The following HYOU1 variants were observed in gnomAD, a reference collection of about 807,000 sequenced individuals.
HYOU1 encodes hypoxia up-regulated protein 1.
HYOU1 carries 40 observed loss-of-function variants against 120.5 expected under a neutral mutation model. The ratio of observed to expected loss-of-function variants is 0.33; its 90% CI spans 0.26 to 0.43. The LOEUF is 0.43. Ranked by LOEUF, HYOU1 falls within the 20% of genes least tolerant of loss-of-function variation. The pLI is 1.00. For synonymous variants in HYOU1, 501 were observed against 479.4 expected (o/e 1.05, Z -0.59); for missense variants, 1,085 against 1,278.3 (o/e 0.85, Z 2.31).
chr11:119,052,992 C>A lies in HYOU1; in HGVS notation c.795-163G>T. On this transcript the variant is annotated intron_variant, in intron 8 of 25. Coordinates refer to ENST00000617285, the MANE Select transcript of HYOU1 (RefSeq NM_006389.5). The surrounding 1 kb of genome is among the most constrained non-coding windows in gnomAD (Gnocchi z 5.0). ...CACACACTCTGCCCTCAACTCTCTA[C>A]AGCACAGCTGACACCTCGCAGTGAC... 1.6e-6 allele frequency: 1 copy of A among 633,902 alleles called. No homozygotes were observed. The highest frequency in any genetic ancestry group is 3.1e-5 in the Admixed American group (1 of 32,042). The allele number at this position is 633,902 out of a possible 1,614,324, so 39.3% of individuals were successfully genotyped here.
intron 8 of HYOU1, 182 bp downstream of exon 8, chr11:119,053,939 G>A: frequency 1.9e-6 from 1 of 536,432 alleles, no homozygotes. Context: ...TTCCCAAACT[G>A]TCCTCCCCTG....
At position 119,051,193 on chromosome 11, in the gene HYOU1, G is replaced by C. The variant is rs200889203; in HGVS notation, c.1527-20C>G. 66 of 1,614,116 alleles carry C rather than the reference G, an allele frequency of 4.1e-5. No individual in the cohort carries two copies. In the Middle Eastern group the frequency reaches 1.2e-3, roughly 28 times the overall value. On this transcript the variant is annotated intron_variant, in intron 13 of 25. Transcript: ENST00000617285. The surrounding 1 kb of genome is among the most constrained non-coding windows in gnomAD (Gnocchi z 4.2). ...AATACCCTGGTTGGGAAGGAAAGAG[G>C]AGTTCAGGGGGACCCACCCCAGCCC... is the stretch of plus-strand genomic sequence containing the variant.
chr11:119,054,707 G>A, intron 6 of HYOU1, 32 bp from the exon 7 acceptor site: 1 of 1,596,356 alleles, frequency 6.3e-7, no homozygotes, highest in South Asian at 1.1e-5. Flanking sequence ...GGTCCCGCCG[G>A]CTCCATACCT....
intron 24 of HYOU1, 80 bp from the exon 25 acceptor site, chr11:119,045,911 G>C (rs1944039238): frequency 7.3e-7 from 1 of 1,360,808 alleles, no homozygotes; most frequent in African/African-American, 1.5e-5. Flanking sequence ...TTTCCATGAA[G>C]AGCCAGCTAG....
chr11:119,056,548 A>C (rs1592161171), intron 1 of HYOU1: 1 of 363,552 alleles, frequency 2.8e-6, no homozygotes, highest in Non-Finnish European at 5.4e-6. Context: ...GGGCTCAACC[A>C]CCTCCCCACA....
In HYOU1 at chr11:119,046,787, T is replaced by C; in HGVS notation, c.2611A>G (p.Thr871Ala). ...INETWAWKNA[T>A]LAEQAKLPAT... ...GGCAGCTTAGCCTGCTCGGCCAGAG[T>C]TGCATTCTTCCAGGCCTGTGGGTGA... The change falls in exon 23 of 26, where the codon ACT (threonine) becomes GCT (alanine). Residue 871 changes from threonine to alanine, a missense_variant. Thr to Ala is a moderately conservative substitution (Grantham distance 58). Transcript: ENST00000617285. 1.2e-6 allele frequency: 2 copies of C among 1,600,090 alleles called. No homozygotes were observed. The highest frequency in any genetic ancestry group is 1.7e-4 in the Middle Eastern group (1 of 5,790).
rs2133544574 is a variant in HYOU1, at chr11:119,045,768, G to C, written c.2938+13C>G. The C allele has an allele frequency of 1.9e-6, 3 of 1,613,286 alleles. No homozygotes were observed. Among genetic ancestry groups the C allele is most frequent in the East Asian group, 2.2e-5 (1 of 44,866 alleles). On this transcript the variant is annotated intron_variant, in intron 25 of 25. Transcript: ENST00000617285. ...CACCAGGCTTCCCACCGTAGCCCCG[G>C]CTCCATCCTCACCTGCTCCAGGACC...
chr11:119,049,547 T>A lies in HYOU1; in HGVS notation c.1806+9A>T. 6.2e-7 allele frequency: 1 copy of A among 1,613,956 alleles called. No individual in the cohort carries two copies. Among genetic ancestry groups the A allele is most frequent in the Admixed American group, 1.7e-5 (1 of 60,012 alleles). On this transcript the variant is annotated intron_variant, in intron 16 of 25. Coordinates refer to ENST00000617285, the MANE Select transcript of HYOU1 (RefSeq NM_006389.5). ...CCTCCATGCTTCCCTGGCTCCATCC[T>A]GAACTCACCTGGACAGTATCAGTAC... is the stretch of plus-strand genomic sequence containing the variant.
At position 119,051,245 on chromosome 11, in the gene HYOU1, C is replaced by A; in HGVS notation, c.1527-72G>T. 1 of 1,591,908 alleles carries A rather than the reference C, an allele frequency of 6.3e-7. No individual in the cohort carries two copies. The highest frequency in any genetic ancestry group is 1.1e-5 in the South Asian group (1 of 88,272). ...TCTCGCCCTCTAGACTACATGGCCT[C>A]CTGGCACAAGGTGTCAGGGGCACTC... On this transcript the variant is annotated intron_variant, in intron 13 of 25. Coordinates refer to ENST00000617285, the MANE Select transcript of HYOU1 (RefSeq NM_006389.5). This position sits in a 1 kb window ranked among gnomAD's most constrained non-coding sequence, Gnocchi z 4.2.
rs116827202 is a variant in HYOU1 at position 119,051,309 on chromosome 11, C to T, written c.1526+129G>A. ...TCAAGAGGACGGATGCATTCTCCAGCGAAGCTGATCATAGCTGCCCTGTTT... is the reference window on the plus strand; with the variant it reads ...TCAAGAGGACGGATGCATTCTCCAGTGAAGCTGATCATAGCTGCCCTGTTT... On this transcript the variant is annotated intron_variant, in intron 13 of 25. Coordinates refer to ENST00000617285, the MANE Select transcript of HYOU1 (RefSeq NM_006389.5). This position sits in a 1 kb window ranked among gnomAD's most constrained non-coding sequence, Gnocchi z 4.2. The T allele has an allele frequency of 4.5e-3, 6,734 of 1,483,760 alleles. 157 individuals carry two copies. The African/African-American group carries it at 0.063, about 14-fold the overall frequency. The allele number at this position is 1,483,760 out of a possible 1,614,324, so 91.9% of individuals were successfully genotyped here.
chr11:119,056,222 A>C, intron 1 of HYOU1, 55 bp from the exon 2 acceptor site: 1 of 1,217,048 alleles, frequency 8.2e-7, no homozygotes, highest in South Asian at 1.2e-5. Flanking sequence ...AGTGAAGGAG[A>C]CAGAATCACA....
chr11:119,052,249 T>G lies in HYOU1; in HGVS notation c.1122+46A>C. ...GTCCCTTGACGTCCCATGGGTTTCC[T>G]ATGCCCTTTCCTACGGGGCATTCCC... On this transcript the variant is annotated intron_variant, in intron 10 of 25. Transcript: ENST00000617285. The surrounding 1 kb of genome is among the most constrained non-coding windows in gnomAD (Gnocchi z 5.0). The G allele has an allele frequency of 1.2e-6, 2 of 1,614,104 alleles. No homozygotes were observed. The highest frequency in any genetic ancestry group is 1.1e-5 in the South Asian group (1 of 91,082).
chr11:119,056,173 G>T lies in HYOU1; in HGVS notation c.-7-6C>A. 2 of 1,607,650 alleles carry T rather than the reference G, an allele frequency of 1.2e-6. No homozygotes were observed. Among genetic ancestry groups the T allele is most frequent in the Non-Finnish European group, 1.7e-6 (2 of 1,175,084 alleles). ...CTTTGTCTGCCATAGTGCCCCTGGG[G>T]GAGGCGAAGAAAGAAAACACTTAAA... On this transcript the variant is annotated splice_region_variant and splice_polypyrimidine_tract_variant and intron_variant, in intron 1 of 25. Coordinates refer to ENST00000617285, the MANE Select transcript of HYOU1 (RefSeq NM_006389.5).
rs2133568897 is a variant in HYOU1 at position 119,048,998 on chromosome 11, C to T, written c.1992+20G>A. 8 of 1,613,578 alleles carry T rather than the reference C, an allele frequency of 5.0e-6. No individual in the cohort carries two copies. The Admixed American group carries it at 5.0e-5, about 10-fold the overall frequency. ...CCTTAGCCTCTGGATCCACACTGGC[C>T]TTCCTCTGCCACAGCTCACCTGGGC... is the stretch of plus-strand genomic sequence containing the variant. On this transcript the variant is annotated intron_variant, in intron 17 of 25. Coordinates refer to ENST00000617285, the MANE Select transcript of HYOU1 (RefSeq NM_006389.5). This position sits in a 1 kb window ranked among gnomAD's most constrained non-coding sequence, Gnocchi z 4.7.
intron 8 of HYOU1, chr11:119,053,304 A>C (rs2133598421): frequency 1.9e-5 from 3 of 158,934 alleles, no homozygotes; most frequent in African/African-American, 7.2e-5. Context: ...CAGTGCAAGC[A>C]TCACTTGAAC....
At chr11:119,045,685 A>C (rs1944019314) in intron 25 of HYOU1, 31 bp from the exon 26 acceptor site, 1 of 1,613,890 alleles carries the variant, frequency 6.2e-7, no homozygotes, top group Non-Finnish European at 8.5e-7. Context: ...CAAAGGAATC[A>C]CCGCAGGTGA....
In HYOU1 at chr11:119,048,864, G is replaced by A. The variant is rs2133568038; in HGVS notation, c.2015C>T (p.Ala672Val). 1 of 1,608,914 alleles carries A rather than the reference G, an allele frequency of 6.2e-7. No homozygotes were observed. ...GGCTGGAGCGACGCCCTCAGGCCCT[G>A]CCTCTGCCTTCTCACTTGGTTTCTG... ...EAQKPSEKAE[A>V]GPEGVAPAPE... is the part of the protein sequence containing the mutation. The change falls in exon 18 of 26, where the codon GCA becomes GTA. Residue 672 changes from alanine to valine, a missense_variant. By Grantham distance (64) the Ala-to-Val change is moderately conservative. This residue lies in a region of HYOU1 where 516 missense variants were observed against 517.1 expected (regional missense o/e 1.00). Transcript: ENST00000617285. This position sits in a 1 kb window ranked among gnomAD's most constrained non-coding sequence, Gnocchi z 4.7.
At position 119,048,449 on chromosome 11, in the gene HYOU1, G is replaced by C. The variant is rs2133564346; in HGVS notation, c.2253+27C>G. On this transcript the variant is annotated intron_variant, in intron 19 of 25. Transcript: ENST00000617285. The surrounding 1 kb of genome is among the most constrained non-coding windows in gnomAD (Gnocchi z 4.7). ...ACAGAGCCAGGTGTAAGCCCAGTGG[G>C]GGGGCTGCTGCCTCCTGCCCACTGA... 1 of 1,613,310 alleles carries C rather than the reference G, an allele frequency of 6.2e-7. No individual in the cohort carries two copies. The highest frequency in any genetic ancestry group is 1.1e-5 in the South Asian group (1 of 91,068).
chr11:119,054,548 G>T lies in HYOU1; in HGVS notation c.624C>A (p.Ala208=), dbSNP rs2133605765. ...KVLQLINDNT[A]TALSYGVFRR... ...GGAAGACACCATAGCTGAGGGCAGT[G>T]GCGGTGTTGTCATTGATGAGCTGCA... The change falls in exon 7 of 26, where the codon GCC becomes GCA. Residue 208 remains alanine, a synonymous_variant. Transcript: ENST00000617285. 3.7e-6 allele frequency: 6 copies of T among 1,614,060 alleles called. No homozygotes were observed. Among genetic ancestry groups the T allele is most frequent in the Non-Finnish European group, 4.2e-6 (5 of 1,180,030 alleles).
Sources: allele counts gnomAD v4.1 joint callset, GRCh38; gene constraint gnomAD v4.1.1; regional missense constraint gnomAD v4.1.1; non-coding constraint Gnocchi (gnomAD v3.1); transcripts MANE v1.5; gene names NCBI Gene and HGNC (gene_info 2026-07-23, HGNC 2026-07-21).